Variants in SNX25 observed in about 807,000 individuals in gnomAD.
SNX25 encodes sorting nexin 25.
A neutral mutation model predicts 113.7 loss-of-function variants in SNX25; 62 were observed. The observed-to-expected ratio is 0.55, with a 90% confidence interval of 0.44 to 0.67. The LOEUF is 0.67. SNX25 is among the 30% of genes least tolerant of loss of function. The probability of loss-of-function intolerance (pLI) is 0.00; values close to 1 mark genes in which losing one functional copy is unlikely to be tolerated. For synonymous variants in SNX25, 421 were observed against 436.2 expected (o/e 0.97, Z 0.43); for missense variants, 1,014 against 1,161.0 (o/e 0.87, Z 1.84).
At chr4:185,306,399 G>A (rs916058828) in intron 6 of SNX25, among the ~76,000 whole-genome samples, 10 of 152,234 alleles carry the variant, frequency 6.6e-5, no homozygotes, top group African/African-American at 2.2e-4. Flanking sequence ...GCATTCACGT[G>A]AGCAAGCCAC....
chr4:185,315,841 A>G (rs1275091961), intron 7 of SNX25, among the ~76,000 whole-genome samples: 1 of 152,232 alleles, frequency 6.6e-6, no homozygotes, highest in East Asian at 1.9e-4. Flanking sequence ...ACATCAGTAT[A>G]TGTTCTCCTG....
At chr4:185,270,330 C>T (rs961890247) in intron 5 of SNX25, among the ~76,000 whole-genome samples, 7 of 152,168 alleles carry the variant, frequency 4.6e-5, no homozygotes, top group Non-Finnish European at 1.0e-4. Flanking sequence ...TTTTTCCTTT[C>T]CCTGCTACTA....
downstream of SNX25, among the ~76,000 whole-genome samples, chr4:185,372,449 C>T (rs1266115106): frequency 6.6e-6 from 1 of 152,226 alleles, no homozygotes; most frequent in African/African-American, 2.4e-5. Context: ...CAATAGCTAT[C>T]ATTTCTAATA....
downstream of SNX25, chr4:185,364,045 A>T (rs2095378040): frequency 6.5e-6 from 1 of 152,678 alleles, no homozygotes; most frequent in Non-Finnish European, 1.5e-5. Context: ...TATTTATCAA[A>T]TGCCTTTTTA....
intron 5 of SNX25, among the ~76,000 whole-genome samples, chr4:185,268,393 T>A (rs1579550708): frequency 1.3e-5 from 2 of 152,132 alleles, no homozygotes; most frequent in Non-Finnish European, 2.9e-5. Context: ...ACCTGAGATA[T>A]TTTAGGGGGT....
At chr4:185,342,189 G>C in intron 12 of SNX25, 73 bp downstream of exon 12, 2 of 1,414,290 alleles carry the variant, frequency 1.4e-6, no homozygotes, top group South Asian at 1.7e-5. Context: ...ACATAAGAAA[G>C]CTGATTAATC....
chr4:185,316,901 T>C (rs115809874), intron 7 of SNX25, among the ~76,000 whole-genome samples: 98 of 152,358 alleles, frequency 6.4e-4, no homozygotes, highest in African/African-American at 2.3e-3. Context: ...TCAAATGTTA[T>C]AGTGTTCCAC....
downstream of SNX25, chr4:185,367,388 T>G (rs2095392480): frequency 1.5e-6 from 1 of 649,738 alleles, no homozygotes; most frequent in South Asian, 2.0e-5. Flanking sequence ...TACTTTCTAT[T>G]CTGATGTCCT....
chr4:185,299,228 T>C (rs2126637882), intron 6 of SNX25, among the ~76,000 whole-genome samples: 1 of 152,236 alleles, frequency 6.6e-6, no homozygotes. Context: ...CACATGCGCA[T>C]AGAAAAAGAG....
intron 8 of SNX25, among the ~76,000 whole-genome samples, chr4:185,322,150 A>G (rs565750713): frequency 3.9e-5 from 6 of 152,332 alleles, no homozygotes; most frequent in African/African-American, 1.4e-4. Flanking sequence ...AAGTACCAAG[A>G]GGCTGGATGC....
intron 1 of SNX25, among the ~76,000 whole-genome samples, chr4:185,212,280 AC>A (rs1326118753): frequency 7.1e-6 from 1 of 139,878 alleles, no homozygotes; most frequent in Non-Finnish European, 1.5e-5. Flanking sequence ...GCCTGGCCTA[AC>A]CCTGCCTCTT....
chr4:185,210,077 C>T lies in SNX25; in HGVS notation c.251C>T (p.Ala84Val). The stretch of plus-strand genomic sequence containing the variant: ...CCCGGCAGCGGGGAGGCGGCGGGGG[C>T]CGCGGGGCTGAGCTCCGTCCTGTTC... ...LGPGSGEAAG[A>V]AGLSSVLFRL... is the part of the protein sequence containing the mutation. Residue 84 changes from alanine (A) to valine (V), a missense_variant, in exon 1 of 19, where the codon GCC (alanine) becomes GTC (valine). Ala to Val is a moderately conservative substitution (Grantham distance 64). Coordinates refer to ENST00000652585, the MANE Select transcript of SNX25 (RefSeq NM_001378034.2). This position sits in a 1 kb window ranked among gnomAD's most constrained non-coding sequence, Gnocchi z 4.4. The T allele has an allele frequency of 2.0e-6, 2 of 984,118 alleles. No homozygotes were observed. The highest frequency in any genetic ancestry group is 4.7e-5 in the South Asian group (1 of 21,310). The allele number at this position is 984,118 out of a possible 1,614,324, so 61.0% of individuals were successfully genotyped here.
intron 1 of SNX25, among the ~76,000 whole-genome samples, chr4:185,240,387 G>A (rs1200236107): frequency 1.3e-5 from 2 of 150,824 alleles, no homozygotes; most frequent in African/African-American, 4.9e-5. Flanking sequence ...CGGCTGGCCG[G>A]GCGGGGGGCT....
intron 7 of SNX25, 122 bp downstream of exon 7, chr4:185,310,938 C>T: frequency 1.1e-6 from 1 of 921,902 alleles, no homozygotes; most frequent in Non-Finnish European, 1.6e-6. Flanking sequence ...TAACTACACA[C>T]TGACATTTGC....
intron 1 of SNX25, among the ~76,000 whole-genome samples, chr4:185,236,200 ACCT>A (rs1163805146): frequency 6.6e-6 from 1 of 151,972 alleles, no homozygotes; most frequent in Non-Finnish European, 1.5e-5. Flanking sequence ...GTTTTGCAAA[ACCT>A]CCTGGCCTTC....
chr4:185,270,912 T>A (rs984135264), intron 5 of SNX25, among the ~76,000 whole-genome samples: 1 of 152,234 alleles, frequency 6.6e-6, no homozygotes, highest in African/African-American at 2.4e-5. Flanking sequence ...GCACATTTTA[T>A]CCTTTCACCG....
chr4:185,342,082 G>A lies in SNX25; in HGVS notation c.2153G>A (p.Ser718Asn). 1 of 1,606,186 alleles carries A rather than the reference G, an allele frequency of 6.2e-7. No individual in the cohort carries two copies. Reference protein sequence around the residue: ...TKNWTVPRRLSEFQNLHRKLS... With the variant: ...TKNWTVPRRLNEFQNLHRKLS... ...AACTGGACGGTCCCCAGAAGGCTCAGCGAGTTTCAGAATTTACACCGGAAA... is the reference window on the plus strand; with the variant it reads ...AACTGGACGGTCCCCAGAAGGCTCAACGAGTTTCAGAATTTACACCGGAAA... The change falls in exon 12 of 19, where the codon AGC becomes AAC. Residue 718 changes from serine to asparagine, a missense_variant. Ser to Asn is a conservative substitution (Grantham distance 46). Transcript: ENST00000652585.
intron 13 of SNX25, among the ~76,000 whole-genome samples, chr4:185,347,062 T>C (rs1313573475): frequency 6.6e-6 from 1 of 152,262 alleles, no homozygotes; most frequent in African/African-American, 2.4e-5. Flanking sequence ...TCACTCATTA[T>C]GTTCATAGGA....
At chr4:185,285,642 G>T (rs1751240485) in intron 5 of SNX25, among the ~76,000 whole-genome samples, 1 of 152,196 alleles carries the variant, frequency 6.6e-6, no homozygotes, top group Non-Finnish European at 1.5e-5. Context: ...ACTTAAATGA[G>T]GCAGGTGTTT....
Sources: allele counts gnomAD v4.1 joint callset (sites outside exome capture counted in the v4.1 genomes callset), GRCh38; gene constraint gnomAD v4.1.1; non-coding constraint Gnocchi (gnomAD v3.1); transcripts MANE v1.5; gene names NCBI Gene and HGNC (gene_info 2026-07-23, HGNC 2026-07-21).